CFAP54: variants seen among roughly 807,000 people sequenced by gnomAD.
CFAP54 encodes cilia and flagella associated protein 54.
In CFAP54, 290 loss-of-function variants were observed where a neutral mutation model predicts 370.4. The ratio of observed to expected loss-of-function variants is 0.78; its 90% CI spans 0.71 to 0.86. The LOEUF (loss-of-function observed/expected upper bound fraction) is 0.86. Among genes scored for constraint, CFAP54 ranks in the 40% least tolerant of loss-of-function variants. The pLI is 0.00. For synonymous variants in CFAP54, 1,206 were observed against 1,236.5 expected, an observed-to-expected ratio of 0.98 and a Z score of 0.52; for missense variants, 3,399 against 3,528.7, an observed-to-expected ratio of 0.96 and a Z score of 0.93.
At chr12:96,529,314 T>C (rs768013916) in intron 9 of CFAP54, among the ~76,000 whole-genome samples, 3 of 152,374 alleles carry the variant, frequency 2.0e-5, no homozygotes, top group Non-Finnish European at 2.9e-5. Context: ...TCCCTACTGA[T>C]AGTTTTTGTC....
chr12:96,573,833 G>T (rs1418923855), intron 19 of CFAP54, among the ~76,000 whole-genome samples: 3 of 152,126 alleles, frequency 2.0e-5, no homozygotes, highest in East Asian at 1.9e-4. Flanking sequence ...TAGAAACATG[G>T]TTACCATGTA....
chr12:96,589,321 T>C (rs1956103691), intron 22 of CFAP54, 106 bp from the exon 23 acceptor site: 2 of 908,610 alleles, frequency 2.2e-6, no homozygotes, highest in Non-Finnish European at 3.3e-6. Flanking sequence ...GAGCGTGTGA[T>C]AGCACCTTAT....
In CFAP54 at chr12:96,790,567, A is replaced by G. The variant is rs577124688; in HGVS notation, c.8680-1762A>G. 1.3e-4 allele frequency among the ~76,000 whole-genome samples: 20 copies of G among 152,332 alleles called. No homozygotes were observed. In the South Asian group the frequency reaches 4.1e-3, roughly 32 times the overall value. On this transcript the variant is annotated intron_variant, in intron 62 of 67. Coordinates refer to ENST00000524981, the MANE Select transcript of CFAP54 (RefSeq NM_001306084.2). ...TTTACTTTTCAATACTTATCTAGTTATTGAATATGAATTGTTTGCTAAAAT... is the reference window on the plus strand; with the variant it reads ...TTTACTTTTCAATACTTATCTAGTTGTTGAATATGAATTGTTTGCTAAAAT...
At chr12:96,647,048 C>G (rs148849195) in intron 33 of CFAP54, 1 of 152,080 alleles carries the variant, frequency 6.6e-6, no homozygotes, top group Admixed American at 6.5e-5. Context: ...CACATGTATA[C>G]GTATGTAACA....
Position 96,685,100 on chromosome 12 carries a change from A to G in CFAP54, c.5876A>G (p.Lys1959Arg). 1 of 1,614,124 alleles carries G rather than the reference A, an allele frequency of 6.2e-7. No individual in the cohort carries two copies. The highest frequency in any genetic ancestry group is 2.2e-5 in the East Asian group (1 of 44,868). ...FRKPDVLHTW[K>R]EFGPSLTNVT... is the part of the protein sequence containing the mutation. Reference sequence around the variant, plus strand: ...AAACCAGACGTGCTACACACGTGGAAAGAATTTGGCCCCTCACTCACCAAT... The same window carrying G: ...AAACCAGACGTGCTACACACGTGGAGAGAATTTGGCCCCTCACTCACCAAT... Residue 1959 changes from lysine to arginine, a missense_variant, in exon 42 of 68, where the codon AAA becomes AGA. Physicochemically the swap from Lys to Arg is conservative, Grantham distance 26. This residue lies in a region of CFAP54 where 2,796 missense variants were observed against 2,869.7 expected (regional missense o/e 0.97). Transcript: ENST00000524981.
At chr12:96,835,000 G>T (rs570629858) in intron 66 of CFAP54, among the ~76,000 whole-genome samples, 7 of 152,114 alleles carry the variant, frequency 4.6e-5, no homozygotes, top group Admixed American at 1.3e-4. Flanking sequence ...ACCCTGGAGT[G>T]GGAAGCTCTT....
Position 96,720,534 on chromosome 12 carries a change from GT to G in CFAP54, c.6936del (p.Ala2313LeufsTer13). The stretch of plus-strand genomic sequence containing the variant: ...GGAGGCCCGGCTTCAGCTGGCTGCA[GT>G]TGCTCTGCAGAGGCACCGGGCGGCA... Reference protein sequence around the residue: ...VVEARLQLAAVALQRHRAAYS... With the variant: ...VVEARLQLAAXALQRHRAAYS... On this transcript the variant is annotated frameshift_variant, in exon 50 of 68. Coordinates refer to ENST00000524981, the MANE Select transcript of CFAP54 (RefSeq NM_001306084.2). LOFTEE classifies it high-confidence loss of function. 1 of 1,580,980 alleles carries G rather than the reference GT, an allele frequency of 6.3e-7. No homozygotes were observed. Among genetic ancestry groups the G allele is most frequent in the Non-Finnish European group, 8.6e-7 (1 of 1,160,428 alleles).
chr12:96,644,962 TTTGA>T (rs1956772464), intron 33 of CFAP54, among the ~76,000 whole-genome samples: 1 of 152,210 alleles, frequency 6.6e-6, no homozygotes, highest in South Asian at 2.1e-4. Flanking sequence ...TAAGTGATAA[TTTGA>T]TTGTAGCTTG....
chr12:96,684,760 C>G, intron 41 of CFAP54, 25 bp downstream of exon 41: 2 of 1,550,990 alleles, frequency 1.3e-6, no homozygotes, highest in Non-Finnish European at 1.8e-6. Context: ...GTCTGTAGAA[C>G]AAGGGCAAAG....
At chr12:96,511,411 T>C (rs533237883) in intron 4 of CFAP54, among the ~76,000 whole-genome samples, 207 of 152,304 alleles carry the variant, frequency 1.4e-3, no homozygotes, top group African/African-American at 4.6e-3. Flanking sequence ...CTCTGTCACC[T>C]GGGCTTAGGC....
At chr12:96,817,166 A>G (rs1400893814) in intron 64 of CFAP54, among the ~76,000 whole-genome samples, 1 of 151,806 alleles carries the variant, frequency 6.6e-6, no homozygotes, top group Non-Finnish European at 1.5e-5. Flanking sequence ...ATAGATAATT[A>G]TTTTCTTTAT....
intron 58 of CFAP54, among the ~76,000 whole-genome samples, chr12:96,763,102 T>C (rs1031750839): frequency 2.6e-5 from 4 of 152,182 alleles, no homozygotes; most frequent in Admixed American, 2.6e-4. Context: ...ATCCAGATGA[T>C]TTAAATCTTA....
chr12:96,565,838 G>A (rs1955860817), intron 19 of CFAP54, among the ~76,000 whole-genome samples: 1 of 152,152 alleles, frequency 6.6e-6, no homozygotes, highest in African/African-American at 2.4e-5. Context: ...TGCTTTGACT[G>A]TGTCCCTACC....
chr12:96,662,617 T>C (rs189059215), intron 38 of CFAP54, among the ~76,000 whole-genome samples: 1 of 152,304 alleles, frequency 6.6e-6, no homozygotes, highest in East Asian at 1.9e-4. Context: ...CAGAGTAAAG[T>C]GAACATCTTT....
chr12:96,545,746 G>C (rs749694487), intron 14 of CFAP54, among the ~76,000 whole-genome samples: 1 of 151,872 alleles, frequency 6.6e-6, no homozygotes, highest in East Asian at 1.9e-4. Context: ...TACCCTTTTT[G>C]TCCAATCGCA....
chr12:96,804,401 A>G (rs1427355386), intron 63 of CFAP54, among the ~76,000 whole-genome samples: 1 of 151,994 alleles, frequency 6.6e-6, no homozygotes, highest in Non-Finnish European at 1.5e-5. Flanking sequence ...TCAACAAAAA[A>G]CCTCTTAGTT....
intron 32 of CFAP54, among the ~76,000 whole-genome samples, chr12:96,638,555 A>G (rs898637212): frequency 7.2e-5 from 11 of 152,136 alleles, no homozygotes; most frequent in South Asian, 2.1e-4. Context: ...TACAATTTTT[A>G]CTAAAATTGT....
chr12:96,547,475 C>T (rs892354132), intron 14 of CFAP54, among the ~76,000 whole-genome samples: 9 of 152,010 alleles, frequency 5.9e-5, no homozygotes, highest in African/African-American at 1.2e-4. Flanking sequence ...TGTAAGCCAC[C>T]GCACCTGGCC....
chr12:96,868,337 T>A lies in CFAP54; in HGVS notation c.*15-6781T>A, dbSNP rs1960059793. On this transcript the variant is annotated intron_variant, in intron 67 of 67. Coordinates refer to ENST00000524981, the MANE Select transcript of CFAP54 (RefSeq NM_001306084.2). ...TATGTTTATTTGACTCCTACTGAGG[T>A]TGAATGTTTTTCACATTTTTTGGTC... is the stretch of plus-strand genomic sequence containing the variant. Among the ~76,000 whole-genome samples the A allele has an allele frequency of 1.3e-5, 2 of 152,170 alleles. 1 individual carries two copies. Among genetic ancestry groups the A allele is most frequent in the South Asian group, 4.1e-4 (2 of 4,838 alleles).
Sources: gnomAD v4.1 joint callset for allele counts (sites outside exome capture counted in the v4.1 genomes callset) on GRCh38, gnomAD v4.1.1 for gene constraint, gnomAD v4.1.1 regional missense constraint, MANE v1.5 for transcripts, NCBI Gene and HGNC (gene_info 2026-07-23, HGNC 2026-07-21) for gene names.